The following NIN variants were observed in gnomAD, a reference collection of about 807,000 sequenced individuals.
The protein encoded by NIN is glycogen synthase kinase 3 beta-interacting protein.
NIN carries 137 observed loss-of-function variants against 257.6 expected under a neutral mutation model. The ratio of observed to expected loss-of-function variants is 0.53; its 90% CI spans 0.46 to 0.61. The LOEUF is 0.61. Ranked by LOEUF, NIN falls within the 20% of genes least tolerant of loss-of-function variation. The pLI is 0.00. For missense variants in NIN, 2,439 were observed against 2,501.2 expected, an observed-to-expected ratio of 0.98 and a Z score of 0.53; for synonymous variants, 918 against 919.8, an observed-to-expected ratio of 1.00 and a Z score of 0.04.
intron 21 of NIN, among the ~76,000 whole-genome samples, chr14:50,751,155 T>A (rs1228081324): frequency 2.0e-5 from 3 of 152,214 alleles, no homozygotes; most frequent in Non-Finnish European, 4.4e-5. Context: ...CCCCCACATG[T>A]ATTCACCTAC....
chr14:50,758,544 C>T lies in NIN; in HGVS notation c.2486G>A (p.Cys829Tyr), dbSNP rs1270411269. Residue 829 changes from cysteine to tyrosine, a missense_variant, in exon 18 of 31, where the codon TGT becomes TAT. Cys to Tyr is a radical substitution (Grantham distance 194, BLOSUM62 -2). Around this residue, in one of 3 missense-constraint regions of NIN, gnomAD observed 2,043 missense variants for 2,050.2 expected, o/e 1.00. Transcript: ENST00000530997. ...QSDCQKVTERCESALQSLEGR... is the reference protein window; with the variant it reads ...QSDCQKVTERYESALQSLEGR... ...CTCCAGGCTTTGCAGAGCGCTTTCA[C>T]ACCTCTCAGTGACTTTCTGACAATC... 6.2e-7 allele frequency: 1 copy of T among 1,613,984 alleles called. No homozygotes were observed. Among genetic ancestry groups the T allele is most frequent in the Admixed American group, 1.7e-5 (1 of 59,974 alleles).
At position 50,757,004 on chromosome 14, in the gene NIN, C is replaced by G. The variant is rs777704696; in HGVS notation, c.4026G>C (p.Arg1342=). ...IEKLQESVVQ[R]CDCCLWEASL... The stretch of plus-strand genomic sequence containing the variant: ...TGGCTTCCCATAAGCAGCAGTCACA[C>G]CGCTGGACCACGCTTTCCTGAAGCT... The change falls in exon 18 of 31, where the codon CGG becomes CGC. Residue 1342 remains arginine, a synonymous_variant. Coordinates refer to ENST00000530997, the MANE Select transcript of NIN (RefSeq NM_020921.4). The G allele has an allele frequency of 3.5e-5, 56 of 1,613,204 alleles. No homozygotes were observed. Among genetic ancestry groups the G allele is most frequent in the Non-Finnish European group, 4.6e-5 (54 of 1,179,678 alleles).
chr14:50,809,647 A>G (rs1312813265), intron 3 of NIN, among the ~76,000 whole-genome samples: 1 of 152,222 alleles, frequency 6.6e-6, no homozygotes, highest in Non-Finnish European at 1.5e-5. Context: ...TGGTCCTCAC[A>G]TAGTTCAATT....
rs11433979 is a variant in NIN at position 50,777,681 on chromosome 14, TA to T, written c.476-543del. Among the ~76,000 whole-genome samples, 14 of 149,292 alleles carry T rather than the reference TA, an allele frequency of 9.4e-5. No individual in the cohort carries two copies. The Middle Eastern group carries it at 0.01, about 110-fold the overall frequency. ...CAGAAACCAACAGTCCAACTGAAAT[TA>T]AAAAAAAAAAATCAATGGTTGCAAG... On this transcript the variant is annotated intron_variant, in intron 6 of 30. Transcript: ENST00000530997.
At chr14:50,772,504 GA>G (rs1349633931) in intron 8 of NIN, 36 bp from the exon 9 acceptor site, 1 of 1,600,306 alleles carries the variant, frequency 6.2e-7, no homozygotes. Context: ...AGCCTAGCTT[GA>G]TTCCAGGCAT....
intron 4 of NIN, chr14:50,794,477 A>G: frequency 6.0e-6 from 6 of 999,854 alleles, no homozygotes; most frequent in Non-Finnish European, 7.2e-6. Context: ...ACCATTCAGG[A>G]GCGGCCCAGA....
chr14:50,743,879 G>T (rs560275845), intron 23 of NIN, among the ~76,000 whole-genome samples: 1 of 152,008 alleles, frequency 6.6e-6, no homozygotes, highest in Non-Finnish European at 1.5e-5. Flanking sequence ...GAAAAAAGGT[G>T]GTGTTTTGGG....
intron 28 of NIN, among the ~76,000 whole-genome samples, chr14:50,734,401 C>T (rs2040873718): frequency 6.6e-6 from 1 of 152,026 alleles, no homozygotes; most frequent in Non-Finnish European, 1.5e-5. Context: ...CCCATTTCTT[C>T]TTATAATTCT....
At chr14:50,733,831 A>G (rs970700969) in intron 28 of NIN, among the ~76,000 whole-genome samples, 1 of 152,208 alleles carries the variant, frequency 6.6e-6, no homozygotes, top group African/African-American at 2.4e-5. Context: ...GAATGCATTC[A>G]TTATATTGCT....
At chr14:50,766,121 C>T (rs1030850135) in intron 14 of NIN, among the ~76,000 whole-genome samples, 186 bp downstream of exon 14, 4 of 151,918 alleles carry the variant, frequency 2.6e-5, no homozygotes, top group Non-Finnish European at 5.9e-5. Context: ...TTTACATATA[C>T]TCACTGATGG....
rs182059733 is a variant in NIN at position 50,759,123 on chromosome 14, C to A, written c.2400-493G>T. Reference sequence around the variant, plus strand: ...TCAGCGTGTGACGAAACAAAGCCCTCAAATAAACCTGGGATTTCACATGAG... The same window carrying A: ...TCAGCGTGTGACGAAACAAAGCCCTAAAATAAACCTGGGATTTCACATGAG... On this transcript the variant is annotated intron_variant, in intron 17 of 30. Coordinates refer to ENST00000530997, the MANE Select transcript of NIN (RefSeq NM_020921.4). Among the ~76,000 whole-genome samples, 161 of 152,314 alleles carry A rather than the reference C, an allele frequency of 1.1e-3. 1 individual carries two copies. The highest frequency in any genetic ancestry group is 3.7e-3 in the African/African-American group (152 of 41,572).
chr14:50,793,850 A>G (rs2142040224), intron 4 of NIN, among the ~76,000 whole-genome samples: 1 of 152,360 alleles, frequency 6.6e-6, no homozygotes, highest in Middle Eastern at 3.4e-3. Context: ...TAGATTTTTT[A>G]GCACCTTGTA....
At chr14:50,775,198 C>A (rs2042876000) in intron 7 of NIN, among the ~76,000 whole-genome samples, 2 of 152,116 alleles carry the variant, frequency 1.3e-5, no homozygotes, top group South Asian at 4.1e-4. Flanking sequence ...AGAAAAATCT[C>A]CTGATTTTTT....
At chr14:50,805,144 A>G (rs2044265226) in intron 4 of NIN, among the ~76,000 whole-genome samples, 1 of 152,202 alleles carries the variant, frequency 6.6e-6, no homozygotes, top group African/African-American at 2.4e-5. Flanking sequence ...CAGCACACAG[A>G]ACCCTGAAGT....
At chr14:50,809,147 G>A (rs2044467693) in intron 3 of NIN, among the ~76,000 whole-genome samples, 1 of 152,188 alleles carries the variant, frequency 6.6e-6, no homozygotes, top group Admixed American at 6.5e-5. Flanking sequence ...CTTGAACTTG[G>A]GAGGTGTAGG....
intron 3 of NIN, among the ~76,000 whole-genome samples, chr14:50,813,893 T>C (rs2044755750): frequency 1.3e-5 from 2 of 152,176 alleles, no homozygotes; most frequent in South Asian, 2.1e-4. Flanking sequence ...AAACACTGTG[T>C]TAATTGAAAC....
At chr14:50,738,087 G>A in intron 27 of NIN, 53 bp downstream of exon 27, 1 of 1,568,148 alleles carries the variant, frequency 6.4e-7, no homozygotes, top group South Asian at 1.2e-5. Context: ...ACACACTTAA[G>A]AACGCATTAT....
chr14:50,802,966 C>T (rs776182619), intron 4 of NIN, among the ~76,000 whole-genome samples: 16 of 152,102 alleles, frequency 1.1e-4, no homozygotes, highest in Non-Finnish European at 2.4e-4. Flanking sequence ...CACTATGGTC[C>T]CCCTTTTATT....
Position 50,756,765 on chromosome 14 carries a change from C to T in NIN, c.4265G>A (p.Arg1422Lys), listed in dbSNP as rs2042045066. The T allele has an allele frequency of 6.4e-7, 1 of 1,551,432 alleles. No homozygotes were observed. The highest frequency in any genetic ancestry group is 1.2e-5 in the South Asian group (1 of 84,074). ...LHGTIQTHQE[R>K]PRVQNQVILE... is the part of the protein sequence containing the mutation. ...TATAACTTGATTCTGTACTCTTGGCCTTTCTTGATGTGTCTGAATTGTTCC... is the reference window on the plus strand; with the variant it reads ...TATAACTTGATTCTGTACTCTTGGCTTTTCTTGATGTGTCTGAATTGTTCC... Residue 1422 changes from arginine (R) to lysine (K), a missense_variant, in exon 18 of 31, where the codon AGG (arginine) becomes AAG (lysine). Physicochemically the swap from Arg to Lys is conservative, Grantham distance 26. Around this residue, in one of 3 missense-constraint regions of NIN, gnomAD observed 2,043 missense variants for 2,050.2 expected, o/e 1.00. Coordinates refer to ENST00000530997, the MANE Select transcript of NIN (RefSeq NM_020921.4).
Sources: gnomAD v4.1 joint callset for allele counts (sites outside exome capture counted in the v4.1 genomes callset) on GRCh38, gnomAD v4.1.1 for gene constraint, gnomAD v4.1.1 regional missense constraint, MANE v1.5 for transcripts, NCBI Gene and HGNC (gene_info 2026-07-23, HGNC 2026-07-21) for gene names.